The following KIF1B variants were observed in gnomAD, a reference collection of about 807,000 sequenced individuals.
KIF1B encodes the protein kinesin family member 1B.
In KIF1B, 76 loss-of-function variants were observed where a neutral mutation model predicts 241.9. The observed-to-expected ratio is 0.31, with a 90% CI of 0.26 to 0.38. KIF1B has a LOEUF of 0.38. Among genes scored for constraint, KIF1B ranks in the 10% least tolerant of loss-of-function variants. The pLI, the probability that KIF1B is intolerant of heterozygous loss-of-function variation, is 1.00. For missense variants in KIF1B, 1,622 were observed against 2,271.4 expected (o/e 0.71, Z 5.81); for synonymous variants, 750 against 796.7 (o/e 0.94, Z 0.99).
intron 45 of KIF1B, among the ~76,000 whole-genome samples, chr1:10,372,730 C>T (rs189673147): frequency 0.13 from 19,222 of 144,662 alleles, 1,426 homozygotes; most frequent in African/African-American, 0.17. Flanking sequence ...CCCAGGTTCA[C>T]GCCATTCTCC....
chr1:10,303,061 G>A lies in KIF1B; in HGVS notation c.2115+5815G>A. 1 of 1,376,036 alleles carries A rather than the reference G, an allele frequency of 7.3e-7. No homozygotes were observed. Among genetic ancestry groups the A allele is most frequent in the Non-Finnish European group, 9.8e-7 (1 of 1,017,442 alleles). The allele number at this position is 1,376,036 out of a possible 1,614,324, so 85.2% of individuals were successfully genotyped here. On this transcript the variant is annotated intron_variant, in intron 22 of 48. Transcript: ENST00000676179. The surrounding 1 kb of genome is among the most constrained non-coding windows in gnomAD (Gnocchi z 5.2). ...TTTTTTTGGTCTTATTTTTAAATTT[G>A]GTTAAGGCTTTTTTGCTTGCTTTTT... is the stretch of plus-strand genomic sequence containing the variant.
chr1:10,326,024 C>A lies in KIF1B; in HGVS notation c.2676-87C>A. ...TATTGTGTTGATTCCCCAGTGGATT[C>A]TGTCCTGTTAGCACCTATTGCTTCC... On this transcript the variant is annotated intron_variant, in intron 26 of 48. Coordinates refer to ENST00000676179, the MANE Select transcript of KIF1B (RefSeq NM_001365951.3). This position sits in a 1 kb window ranked among gnomAD's most constrained non-coding sequence, Gnocchi z 5.2. 1 of 1,531,342 alleles carries A rather than the reference C, an allele frequency of 6.5e-7. No individual in the cohort carries two copies. Among genetic ancestry groups the A allele is most frequent in the Non-Finnish European group, 9.0e-7 (1 of 1,111,384 alleles). 94.9% of individuals were successfully genotyped at this position (1,531,342 alleles called of 1,614,324 possible). A position where few individuals can be genotyped will look rare whatever the true frequency, so the allele number is the denominator to read the frequency against.
intron 22 of KIF1B, 130 bp downstream of exon 22, chr1:10,297,376 C>T: frequency 1.2e-6 from 1 of 845,692 alleles, no homozygotes; most frequent in East Asian, 2.4e-5. Flanking sequence ...CTTTAATTTC[C>T]TTAATGGAGA....
intron 38 of KIF1B, among the ~76,000 whole-genome samples, chr1:10,358,102 C>CAAAAAAA (rs541043240): frequency 1.2e-5 from 1 of 85,132 alleles, no homozygotes. Context: ...AAGTCCAAAG[C>CAAAAAAA]AAAAAAAAAA....
chr1:10,368,003 A>G (rs1638623321), intron 43 of KIF1B, among the ~76,000 whole-genome samples: 1 of 152,168 alleles, frequency 6.6e-6, no homozygotes, highest in Non-Finnish European at 1.5e-5. Flanking sequence ...CTGGGATTAC[A>G]GGTATGAGCC....
At chr1:10,268,737 A>G (rs897817662) in intron 7 of KIF1B, among the ~76,000 whole-genome samples, 3 of 151,932 alleles carry the variant, frequency 2.0e-5, no homozygotes, top group South Asian at 4.2e-4. Flanking sequence ...GTGTTCTTCA[A>G]ATACCTTTCT....
intron 15 of KIF1B, among the ~76,000 whole-genome samples, chr1:10,287,174 A>G (rs1467156468): frequency 6.6e-6 from 1 of 152,230 alleles, no homozygotes; most frequent in East Asian, 1.9e-4. Context: ...AAGAAAGAAC[A>G]GTGAGTCAGC....
chr1:10,215,530 A>C (rs936409096), intron 1 of KIF1B, among the ~76,000 whole-genome samples: 4 of 149,816 alleles, frequency 2.7e-5, no homozygotes, highest in Non-Finnish European at 5.9e-5. Context: ...ATTCAACCAT[A>C]CTACCCTCTA....
chr1:10,268,613 G>C (rs1314135920), intron 7 of KIF1B, among the ~76,000 whole-genome samples: 4 of 146,366 alleles, frequency 2.7e-5, no homozygotes, highest in Non-Finnish European at 6.0e-5. Flanking sequence ...AGCTGCCTTT[G>C]GTATGTGTAT....
chr1:10,374,574 G>C lies in KIF1B; in HGVS notation c.5096+109G>C, dbSNP rs2102362977. 1.5e-6 allele frequency: 2 copies of C among 1,314,092 alleles called. No individual in the cohort carries two copies. The highest frequency in any genetic ancestry group is 2.2e-6 in the Non-Finnish European group (2 of 916,646). The allele number at this position is 1,314,092 out of a possible 1,614,324, so 81.4% of individuals were successfully genotyped here. ...TCTGTACTGTAGTCTGATGCAATCT[G>C]TACTGTAGTCTGATGCAAGTTGAGT... On this transcript the variant is annotated intron_variant, in intron 46 of 48. Transcript: ENST00000676179. The surrounding 1 kb of genome is among the most constrained non-coding windows in gnomAD (Gnocchi z 4.3).
At chr1:10,310,642 A>T (rs1403722760) in intron 22 of KIF1B, among the ~76,000 whole-genome samples, 1 of 147,604 alleles carries the variant, frequency 6.8e-6, no homozygotes, top group Admixed American at 6.7e-5. Flanking sequence ...TATCTAAAAG[A>T]TCAGTATGTG....
chr1:10,314,354 A>G (rs776860251), intron 22 of KIF1B, among the ~76,000 whole-genome samples: 1 of 151,576 alleles, frequency 6.6e-6, no homozygotes, highest in African/African-American at 2.4e-5. Flanking sequence ...GGCCAATTCA[A>G]TAGATGATGT....
At chr1:10,300,237 A>AAATAAT (rs367822978) in intron 22 of KIF1B, among the ~76,000 whole-genome samples, 1,975 of 143,894 alleles carry the variant, frequency 0.014, 25 homozygotes, top group African/African-American at 0.013. Flanking sequence ...ACTCAGTGTC[A>AAATAAT]AATAATAATA....
rs537488436 is a variant in KIF1B at position 10,361,213 on chromosome 1, C to G, written c.4170+170C>G. ...TGCTAACTCTTCTGATTATATTAGA[C>G]TCTATTCCTGGGTTCTGTTTACTCA... is the stretch of plus-strand genomic sequence containing the variant. On this transcript the variant is annotated intron_variant, in intron 39 of 48. Transcript: ENST00000676179. Among the ~76,000 whole-genome samples, 4 of 152,304 alleles carry G rather than the reference C, an allele frequency of 2.6e-5. No individual in the cohort carries two copies. The East Asian group carries it at 7.7e-4, about 29-fold the overall frequency.
intron 45 of KIF1B, among the ~76,000 whole-genome samples, chr1:10,373,424 G>C (rs1300695906): frequency 1.3e-5 from 2 of 150,166 alleles, no homozygotes; most frequent in Admixed American, 6.7e-5. Flanking sequence ...TAGTAGAGAC[G>C]GGGTTTCGCC....
chr1:10,292,364 T>G (rs1650041518), intron 17 of KIF1B: 1 of 461,842 alleles, frequency 2.2e-6, no homozygotes, highest in African/African-American at 2.0e-5. Flanking sequence ...TATGTAACCT[T>G]TGGCCATGAT....
intron 25 of KIF1B, 95 bp downstream of exon 25, chr1:10,324,157 A>AG: frequency 1.7e-6 from 2 of 1,160,192 alleles, no homozygotes; most frequent in Non-Finnish European, 1.3e-6. Flanking sequence ...CTCTGAGGAC[A>AG]CTGTTGCTTA....
At chr1:10,329,591 G>A (rs1292647731) in intron 27 of KIF1B, among the ~76,000 whole-genome samples, 4 of 152,130 alleles carry the variant, frequency 2.6e-5, no homozygotes, top group Non-Finnish European at 5.9e-5. Context: ...ATATTAGCCA[G>A]GCATGGTGGT....
At chr1:10,223,599 T>C (rs1205020416) in intron 1 of KIF1B, among the ~76,000 whole-genome samples, 5 of 149,096 alleles carry the variant, frequency 3.4e-5, no homozygotes, top group African/African-American at 9.9e-5. Flanking sequence ...CAGGCTGGAG[T>C]GCAGTGGTGC....
Sources: gnomAD v4.1 joint callset for allele counts (sites outside exome capture counted in the v4.1 genomes callset) on GRCh38, gnomAD v4.1.1 for gene constraint, Gnocchi (gnomAD v3.1) non-coding constraint, MANE v1.5 for transcripts, NCBI Gene and HGNC (gene_info 2026-07-23, HGNC 2026-07-21) for gene names.